KRT71: variants seen among roughly 807,000 people sequenced by gnomAD.
KRT71 encodes keratin, type II cytoskeletal 71.
KRT71 carries 42 observed loss-of-function variants against 46.2 expected under a neutral mutation model. That is an observed-to-expected ratio of 0.91 (90% confidence interval 0.71 to 1.18). The LOEUF (loss-of-function observed/expected upper bound fraction) is 1.18, where lower values mean the gene tolerates loss of function less well. Ranked by LOEUF, KRT71 falls within the 50% of genes most tolerant of loss-of-function variation. The pLI is 0.00. For synonymous variants in KRT71, 292 were observed against 277.8 expected (o/e 1.05, Z -0.51); for missense variants, 708 against 677.9 (o/e 1.04, Z -0.49).
rs372161339 is a variant in KRT71, at chr12:52,546,426, G to A, written c.1185C>T (p.Asp395=). ...NALKDARAKL[D]ELEGALHQAK... Reference sequence around the variant, plus strand: ...CCTGGTGCAGGGCGCCCTCCAGCTCGTCCAGCTTGGCCCGGGCATCCTTCA... The same window carrying A: ...CCTGGTGCAGGGCGCCCTCCAGCTCATCCAGCTTGGCCCGGGCATCCTTCA... Residue 395 remains aspartate (D), a synonymous_variant, in exon 7 of 9, where the codon GAC becomes GAT. Coordinates refer to ENST00000267119, the MANE Select transcript of KRT71 (RefSeq NM_033448.3). 4.0e-5 allele frequency: 65 copies of A among 1,614,034 alleles called. No homozygotes were observed. Among genetic ancestry groups the A allele is most frequent in the South Asian group, 5.5e-5 (5 of 91,084 alleles).
Position 52,553,104 on chromosome 12 carries a change from G to T in KRT71, c.-27C>A, listed in dbSNP as rs570829100. On this transcript the variant is annotated 5_prime_UTR_variant, in exon 1 of 9. Transcript: ENST00000267119. ...TTGCTGGTGGAGACAAAGCTCAGAT[G>T]CAGGAGGGAGGAAGGCAAAATCCCA... 1.3e-6 allele frequency: 2 copies of T among 1,545,880 alleles called. No homozygotes were observed.
chr12:52,548,933 C>G (rs887253671), intron 3 of KRT71, 137 bp from the exon 4 acceptor site: 8 of 762,144 alleles, frequency 1.0e-5, no homozygotes, highest in Non-Finnish European at 1.7e-5. Flanking sequence ...GACAAAGGAG[C>G]AAAGGCCCAG....
rs777937763 is a variant in KRT71 at position 52,552,814 on chromosome 12, G to A, written c.264C>T (p.Ala88=). 2 of 1,614,216 alleles carry A rather than the reference G, an allele frequency of 1.2e-6. No homozygotes were observed. The highest frequency in any genetic ancestry group is 3.3e-5 in the Admixed American group (2 of 60,030). The change falls in exon 1 of 9, where the codon GCC becomes GCT. Residue 88 remains alanine, a synonymous_variant. Coordinates refer to ENST00000267119, the MANE Select transcript of KRT71 (RefSeq NM_033448.3). ...GFAGSMFGSV[A]LGPVCPTVCP... ...ATACAGTTGGGCACACAGGCCCCAG[G>A]GCCACACTGCCAAACATGCTTCCAG...
chr12:52,547,569 A>C (rs577279482), intron 6 of KRT71, among the ~76,000 whole-genome samples: 1 of 152,158 alleles, frequency 6.6e-6, no homozygotes, highest in Non-Finnish European at 1.5e-5. Context: ...GAAGTGTGAC[A>C]AATACAGGGA....
At position 52,549,292 on chromosome 12, in the gene KRT71, CCTT is replaced by C. The variant is rs1939118612; in HGVS notation, c.715_717del (p.Lys239del). On this transcript the variant is annotated inframe_deletion and splice_region_variant, in exon 3 of 9. Transcript: ENST00000267119. ...GGACTCAGGGCCTGCCTTCCCCTCACCTTCTTGAGCAGCACAAACTCGTTCTCT... is the reference window on the plus strand; with the variant it reads ...GGACTCAGGGCCTGCCTTCCCCTCACCTTGAGCAGCACAAACTCGTTCTCT... 1.2e-6 allele frequency: 2 copies of C among 1,613,236 alleles called. No homozygotes were observed. The highest frequency in any genetic ancestry group is 1.7e-6 in the Non-Finnish European group (2 of 1,179,390).
chr12:52,550,150 G>T lies in KRT71; in HGVS notation c.535C>A (p.Pro179Thr), dbSNP rs1239419109. 1.2e-6 allele frequency: 2 copies of T among 1,614,172 alleles called. No individual in the cohort carries two copies. The highest frequency in any genetic ancestry group is 1.7e-6 in the Non-Finnish European group (2 of 1,180,032). The change falls in exon 2 of 9, where the codon CCC becomes ACC. Residue 179 changes from proline to threonine, a missense_variant. Pro to Thr is a conservative substitution (Grantham distance 38, BLOSUM62 -1). Coordinates refer to ENST00000267119, the MANE Select transcript of KRT71 (RefSeq NM_033448.3). Reference protein sequence around the residue: ...DLNNCKNNLEPILEGYISNLR... With the variant: ...DLNNCKNNLETILEGYISNLR... ...TTGCTGATGTAGCCCTCGAGGATGG[G>T]CTCCAGGTTGTTCTTGCAGTTGTTC...
intron 3 of KRT71, 36 bp from the exon 4 acceptor site, chr12:52,548,832 G>T (rs1939107790): frequency 6.3e-7 from 1 of 1,588,978 alleles, no homozygotes; most frequent in Admixed American, 1.7e-5. Context: ...GTCACTGCTG[G>T]TACAGCCAAA....
At position 52,545,627 on chromosome 12, in the gene KRT71, G is replaced by C. The variant is rs199775091; in HGVS notation, c.1326-28C>G. ...ATTAAGGAGAGAAATAAAATAAGAG[G>C]AGAAGAGAAGTCATCCAGCTCAGTC... On this transcript the variant is annotated intron_variant, in intron 7 of 8. Transcript: ENST00000267119. 8.7e-6 allele frequency: 9 copies of C among 1,028,854 alleles called. No homozygotes were observed. The South Asian group carries it at 1.1e-4, about 12-fold the overall frequency. The allele number at this position is 1,028,854 out of a possible 1,614,324, so 63.7% of individuals were successfully genotyped here.
At chr12:52,551,102 T>A (rs2120584488) in intron 1 of KRT71, among the ~76,000 whole-genome samples, 1 of 152,360 alleles carries the variant, frequency 6.6e-6, no homozygotes, top group African/African-American at 2.4e-5. Flanking sequence ...GAATTTTTCA[T>A]GTGATCTACG....
chr12:52,548,327 C>A lies in KRT71; in HGVS notation c.814-11G>T. 1 of 1,601,392 alleles carries A rather than the reference C, an allele frequency of 6.2e-7. No individual in the cohort carries two copies. The highest frequency in any genetic ancestry group is 1.1e-5 in the South Asian group (1 of 88,650). On this transcript the variant is annotated splice_polypyrimidine_tract_variant and intron_variant, in intron 4 of 8. Coordinates refer to ENST00000267119, the MANE Select transcript of KRT71 (RefSeq NM_033448.3). Reference sequence around the variant, plus strand: ...GATCTGAGTGATCTCCTGCAGGGGACACAGAAATGGTCTCTCGGCTCAACT... The same window carrying A: ...GATCTGAGTGATCTCCTGCAGGGGAAACAGAAATGGTCTCTCGGCTCAACT...
intron 2 of KRT71, 84 bp from the exon 3 acceptor site, chr12:52,549,437 T>A: frequency 8.7e-7 from 1 of 1,150,008 alleles, no homozygotes; most frequent in Non-Finnish European, 1.3e-6. Flanking sequence ...AGGAGCAGCG[T>A]GTCCATCAGA....
At position 52,547,948 on chromosome 12, in the gene KRT71, C is replaced by T. The variant is rs929717969; in HGVS notation, c.1013G>A (p.Gly338Glu). ...QELQLAAGRH[G>E]DDLKNTKNEI... Reference sequence around the variant, plus strand: ...ATTCTTGGTGTTTTTGAGGTCGTCCCCATGCCTGCCAGCTGCCAGCTGAAG... The same window carrying T: ...ATTCTTGGTGTTTTTGAGGTCGTCCTCATGCCTGCCAGCTGCCAGCTGAAG... The change falls in exon 6 of 9, where the codon GGG becomes GAG. Residue 338 changes from glycine to glutamate, a missense_variant. Transcript: ENST00000267119. 1.9e-6 allele frequency: 3 copies of T among 1,614,088 alleles called. No homozygotes were observed. Among genetic ancestry groups the T allele is most frequent in the Non-Finnish European group, 2.5e-6 (3 of 1,180,042 alleles).
intron 1 of KRT71, among the ~76,000 whole-genome samples, chr12:52,551,399 C>T (rs981477864): frequency 1.3e-5 from 2 of 152,136 alleles, no homozygotes; most frequent in African/African-American, 2.4e-5. Flanking sequence ...TTTGACCAGC[C>T]GAGCCAAGAA....
chr12:52,544,771 A>T (rs764356054), intron 8 of KRT71, 28 bp from the exon 9 acceptor site: 22 of 1,578,750 alleles, frequency 1.4e-5, no homozygotes, highest in Middle Eastern at 2.0e-4. Context: ...GCCAACACCC[A>T]CTCAGGCAGA....
In KRT71 at chr12:52,544,736, GA is replaced by G. The variant is rs1257522806; in HGVS notation, c.1367del (p.Ile456ThrfsTer35). On this transcript the variant is annotated frameshift_variant, in exon 9 of 9. Transcript: ENST00000267119. LOFTEE classifies it low-confidence loss of function (END_TRUNC). ...AGACACTGCCGCCACTGGTGCTGCT[GA>G]TGATGGCTGCAGGAGGAGCCGAAGC... Reference protein sequence around the residue: ...EFPSPVSISIISSTSGGSVYG... With the variant: ...EFPSPVSISIXSSTSGGSVYG... 6.2e-7 allele frequency: 1 copy of G among 1,611,090 alleles called. No individual in the cohort carries two copies. The highest frequency in any genetic ancestry group is 1.7e-5 in the Admixed American group (1 of 59,750).
intron 1 of KRT71, among the ~76,000 whole-genome samples, chr12:52,552,329 C>T (rs1939186310): frequency 6.6e-6 from 1 of 152,246 alleles, no homozygotes; most frequent in South Asian, 2.1e-4. Flanking sequence ...TCTCACAGGC[C>T]TTTTCTGCAC....
At chr12:52,546,627 A>G in intron 6 of KRT71, 121 bp from the exon 7 acceptor site, 1 of 940,650 alleles carries the variant, frequency 1.1e-6, no homozygotes, top group Non-Finnish European at 1.6e-6. Flanking sequence ...ACACACCATC[A>G]CACTTCCTTG....
At position 52,547,863 on chromosome 12, in the gene KRT71, C is replaced by G. The variant is rs1399021618; in HGVS notation, c.1098G>C (p.Lys366Asn). ...QRIRSEIENV[K>N]KQASNLETAI... Reference sequence around the variant, plus strand: ...AAGGCCAACGTGCTCTCACCTGCTTCTTCACGTTCTCGATCTCTGAGCGGA... The same window carrying G: ...AAGGCCAACGTGCTCTCACCTGCTTGTTCACGTTCTCGATCTCTGAGCGGA... Residue 366 changes from lysine (K) to asparagine (N), a missense_variant, in exon 6 of 9, where the codon AAG becomes AAC. Transcript: ENST00000267119. The G allele has an allele frequency of 1.2e-6, 2 of 1,614,098 alleles. No individual in the cohort carries two copies. The highest frequency in any genetic ancestry group is 1.7e-6 in the Non-Finnish European group (2 of 1,179,980).
chr12:52,552,612 G>T (rs1477598059), intron 1 of KRT71, 25 bp downstream of exon 1: 2 of 1,585,134 alleles, frequency 1.3e-6, no homozygotes, highest in Non-Finnish European at 1.7e-6. Context: ...CTGTTCACAA[G>T]TTCCCCAGGC....
Sources: allele counts gnomAD v4.1 joint callset (sites outside exome capture counted in the v4.1 genomes callset), GRCh38; gene constraint gnomAD v4.1.1; transcripts MANE v1.5; gene names NCBI Gene and HGNC (gene_info 2026-07-23, HGNC 2026-07-21).